The following SDCCAG8 variants were observed in gnomAD, a reference collection of about 807,000 sequenced individuals.
SDCCAG8 encodes SHH signaling and ciliogenesis regulator SDCCAG8.
SDCCAG8 carries 74 observed loss-of-function variants against 101.8 expected under a neutral mutation model. That is an observed-to-expected ratio of 0.73 (90% CI 0.60 to 0.88). SDCCAG8 has a LOEUF of 0.88. Ranked by LOEUF, SDCCAG8 falls within the 40% of genes least tolerant of loss-of-function variation. SDCCAG8 has a pLI of 0.00. For synonymous variants in SDCCAG8, 281 were observed against 292.9 expected, an observed-to-expected ratio of 0.96 and a Z score of 0.41; for missense variants, 787 against 822.6, an observed-to-expected ratio of 0.96 and a Z score of 0.53.
intron 12 of SDCCAG8, among the ~76,000 whole-genome samples, chr1:243,352,018 T>A (rs972831654): frequency 1.3e-5 from 2 of 152,228 alleles, no homozygotes; most frequent in African/African-American, 2.4e-5. Flanking sequence ...GCAGGGTATG[T>A]ATACCTCATT....
chr1:243,307,289 T>TAC, intron 7 of SDCCAG8: 2 of 155,186 alleles, frequency 1.3e-5, no homozygotes, highest in Non-Finnish European at 2.5e-5. Flanking sequence ...CCCCCACCAT[T>TAC]CCCCAGCCCT....
At chr1:243,453,463 C>T (rs548203565) in intron 16 of SDCCAG8, among the ~76,000 whole-genome samples, 2 of 152,272 alleles carry the variant, frequency 1.3e-5, no homozygotes, top group African/African-American at 4.8e-5. Context: ...GCCATAGAAA[C>T]CAGACAGGGT....
At chr1:243,311,882 G>A (rs1057327251) in intron 8 of SDCCAG8, among the ~76,000 whole-genome samples, 5 of 152,100 alleles carry the variant, frequency 3.3e-5, no homozygotes, top group African/African-American at 1.2e-4. Flanking sequence ...TTACTTCCAA[G>A]CCTGGCAGTC....
chr1:243,338,391 C>T (rs2075155990), intron 10 of SDCCAG8, among the ~76,000 whole-genome samples: 1 of 150,244 alleles, frequency 6.7e-6, no homozygotes, highest in Non-Finnish European at 1.5e-5. Context: ...TTCTTTCTTT[C>T]TATGTTTTTT....
intron 16 of SDCCAG8, among the ~76,000 whole-genome samples, chr1:243,452,518 C>T (rs532099370): frequency 1.3e-5 from 2 of 148,316 alleles, no homozygotes; most frequent in Non-Finnish European, 3.0e-5. Flanking sequence ...GAACTCCTGG[C>T]CTGTAGGGAT....
chr1:243,344,195 A>G lies in SDCCAG8; in HGVS notation c.1357-20A>G, dbSNP rs200921543. On this transcript the variant is annotated intron_variant, in intron 11 of 17. Transcript: ENST00000366541. Reference sequence around the variant, plus strand: ...GGTAGATTCCAGCAGGTAATCATCCAGTTTTTTACAATCTAACAGGTGTGT... The same window carrying G: ...GGTAGATTCCAGCAGGTAATCATCCGGTTTTTTACAATCTAACAGGTGTGT... 5.6e-6 allele frequency: 9 copies of G among 1,595,162 alleles called. No homozygotes were observed. Among genetic ancestry groups the G allele is most frequent in the Non-Finnish European group, 7.7e-6 (9 of 1,162,908 alleles).
At chr1:243,420,493 C>T (rs1386059362) in intron 15 of SDCCAG8, among the ~76,000 whole-genome samples, 1 of 152,096 alleles carries the variant, frequency 6.6e-6, no homozygotes, top group Non-Finnish European at 1.5e-5. Context: ...AAGTCTATGC[C>T]ACAATGAAAG....
intron 16 of SDCCAG8, among the ~76,000 whole-genome samples, chr1:243,472,884 T>C (rs896744741): frequency 6.6e-6 from 1 of 152,224 alleles, no homozygotes; most frequent in Non-Finnish European, 1.5e-5. Context: ...ACCAAATTCC[T>C]TCATAAATAT....
At chr1:243,401,110 A>G (rs140440803) in intron 13 of SDCCAG8, among the ~76,000 whole-genome samples, 3 of 152,194 alleles carry the variant, frequency 2.0e-5, no homozygotes, top group African/African-American at 7.2e-5. Context: ...TCTATAAATA[A>G]CCATCTTGTA....
At chr1:243,275,264 T>A (rs955856779) in intron 4 of SDCCAG8, among the ~76,000 whole-genome samples, 1 of 149,852 alleles carries the variant, frequency 6.7e-6, no homozygotes, top group African/African-American at 2.5e-5. Flanking sequence ...CGTGTTTTAC[T>A]TTTTTTTTTC....
At chr1:243,257,976 C>G (rs1456939047) in intron 1 of SDCCAG8, among the ~76,000 whole-genome samples, 2 of 151,922 alleles carry the variant, frequency 1.3e-5, no homozygotes, top group African/African-American at 4.8e-5. Context: ...GGCATTTTGA[C>G]GCAGTAAAGG....
chr1:243,462,293 G>A (rs913832297), intron 16 of SDCCAG8, among the ~76,000 whole-genome samples: 1 of 152,186 alleles, frequency 6.6e-6, no homozygotes, highest in Non-Finnish European at 1.5e-5. Flanking sequence ...GAGCTCCAGT[G>A]TTCTCGTTCC....
chr1:243,303,637 T>C (rs2071774130), intron 6 of SDCCAG8, among the ~76,000 whole-genome samples: 1 of 152,222 alleles, frequency 6.6e-6, no homozygotes, highest in African/African-American at 2.4e-5. Flanking sequence ...CTAATAACAT[T>C]ATCTTTTCTC....
At chr1:243,309,271 A>G (rs1483913646) in intron 8 of SDCCAG8, among the ~76,000 whole-genome samples, 2 of 152,182 alleles carry the variant, frequency 1.3e-5, no homozygotes, top group Admixed American at 1.3e-4. Context: ...AAGTTACTTA[A>G]CCTTTTTGTG....
intron 5 of SDCCAG8, among the ~76,000 whole-genome samples, chr1:243,291,216 C>T (rs987748637): frequency 3.3e-5 from 5 of 152,268 alleles, no homozygotes; most frequent in South Asian, 2.1e-4. Flanking sequence ...AATTAATATA[C>T]GTATTTTAAT....
intron 12 of SDCCAG8, among the ~76,000 whole-genome samples, chr1:243,348,035 T>TC (rs1321701266): frequency 2.3e-4 from 33 of 145,738 alleles, no homozygotes; most frequent in African/African-American, 7.9e-4. Context: ...TTTTTTTTTT[T>TC]TCTTTTTTTT....
At chr1:243,456,135 G>C (rs2083735580) in intron 16 of SDCCAG8, among the ~76,000 whole-genome samples, 1 of 152,012 alleles carries the variant, frequency 6.6e-6, no homozygotes. Flanking sequence ...GAATGAACCG[G>C]GAGCATGCAG....
chr1:243,268,018 C>T, intron 1 of SDCCAG8: 2 of 778,648 alleles, frequency 2.6e-6, no homozygotes, highest in Non-Finnish European at 4.8e-6. Context: ...TCTTTTCTTT[C>T]TCTTTAGGTT....
intron 13 of SDCCAG8, among the ~76,000 whole-genome samples, chr1:243,393,401 C>T (rs1012597551): frequency 7.2e-5 from 11 of 151,916 alleles, no homozygotes; most frequent in East Asian, 1.9e-4. Flanking sequence ...AGGGAGTCTG[C>T]GGGGTAGCCG....
Sources: gnomAD v4.1 joint callset for allele counts (sites outside exome capture counted in the v4.1 genomes callset) on GRCh38, gnomAD v4.1.1 for gene constraint, MANE v1.5 for transcripts, NCBI Gene and HGNC (gene_info 2026-07-23, HGNC 2026-07-21) for gene names.